The following FYCO1 variants were observed in gnomAD, a reference collection of about 807,000 sequenced individuals.
The protein encoded by FYCO1 is FYVE and coiled-coil domain autophagy adaptor 1.
FYCO1 carries 122 observed loss-of-function variants against 165.1 expected under a neutral mutation model. The ratio of observed to expected loss-of-function variants is 0.74; its 90% CI spans 0.64 to 0.86. FYCO1 has a LOEUF of 0.86. FYCO1 is among the 40% of genes least tolerant of loss of function. The pLI, the probability that FYCO1 is intolerant of heterozygous loss-of-function variation, is 0.00. For synonymous variants in FYCO1, 648 were observed against 742.5 expected, an observed-to-expected ratio of 0.87 and a Z score of 2.07; for missense variants, 1,702 against 1,810.3, an observed-to-expected ratio of 0.94 and a Z score of 1.09.
intron 14 of FYCO1, among the ~76,000 whole-genome samples, chr3:45,948,655 A>G (rs544511973): frequency 1.2e-4 from 18 of 152,340 alleles, no homozygotes; most frequent in African/African-American, 3.6e-4. Context: ...AGGCTTAAAG[A>G]TGTTTTTTGG....
At position 45,966,267 on chromosome 3, in the gene FYCO1, C is replaced by CT; in HGVS notation, c.3057+9dup. On this transcript the variant is annotated intron_variant, in intron 8 of 17. Transcript: ENST00000296137. ...AGGGGTAGAGCCCAAGTGGTTGAAG[C>CT]TAGGATTACCTTAAGTCTGCTCTGG... The CT allele has an allele frequency of 1.9e-6, 3 of 1,612,916 alleles. No homozygotes were observed. The highest frequency in any genetic ancestry group is 2.5e-6 in the Non-Finnish European group (3 of 1,179,950).
chr3:45,921,840 C>T lies in FYCO1; in HGVS notation c.4362G>A (p.Arg1454=). Residue 1454 remains arginine, a splice_region_variant and synonymous_variant, in exon 18 of 18, where the codon AGG becomes AGA. Coordinates refer to ENST00000296137, the MANE Select transcript of FYCO1 (RefSeq NM_024513.4). ...YMLIFDNTFS[R]FVSKKVFYHL... ...GATAAAATACCTTTTTAGAGACAAACCTGAGGAAACAGAAATGGAAAGGGA... is the reference window on the plus strand; with the variant it reads ...GATAAAATACCTTTTTAGAGACAAATCTGAGGAAACAGAAATGGAAAGGGA... 6.2e-7 allele frequency: 1 copy of T among 1,605,250 alleles called. No individual in the cohort carries two copies. Among genetic ancestry groups the T allele is most frequent in the East Asian group, 2.2e-5 (1 of 44,834 alleles).
At chr3:45,927,201 A>G (rs1334404156) in intron 16 of FYCO1, among the ~76,000 whole-genome samples, 2 of 152,170 alleles carry the variant, frequency 1.3e-5, no homozygotes, top group East Asian at 3.8e-4. Context: ...GTGTTAGTGT[A>G]TCTTATGTGT....
rs544729621 is a variant in FYCO1 at position 45,921,589 on chromosome 3, G to A, written c.*176C>T. On this transcript the variant is annotated 3_prime_UTR_variant, in exon 18 of 18. Transcript: ENST00000296137. ...CCCTTCAACGCCTCGGGGGCTAAGAGTGGCCGGTGCAGAGTGCTGAGCACA... is the reference window on the plus strand; with the variant it reads ...CCCTTCAACGCCTCGGGGGCTAAGAATGGCCGGTGCAGAGTGCTGAGCACA... 65 of 641,328 alleles carry A rather than the reference G, an allele frequency of 1.0e-4. No individual in the cohort carries two copies. Among genetic ancestry groups the A allele is most frequent in the Admixed American group, 4.2e-4 (19 of 44,824 alleles). 39.7% of individuals were successfully genotyped at this position (641,328 alleles called of 1,614,324 possible). A position where few individuals can be genotyped will look rare whatever the true frequency, so the allele number is the denominator to read the frequency against.
chr3:45,959,212 G>T (rs1705545615), intron 12 of FYCO1, among the ~76,000 whole-genome samples, 181 bp downstream of exon 12: 1 of 152,226 alleles, frequency 6.6e-6, no homozygotes, highest in Non-Finnish European at 1.5e-5. Flanking sequence ...TGAGTGTCTT[G>T]TTAGGATCCC....
chr3:45,969,724 G>T lies in FYCO1; in HGVS notation c.581C>A (p.Pro194His), dbSNP rs921112086. The T allele has an allele frequency of 1.9e-6, 3 of 1,613,930 alleles. No homozygotes were observed. In the African/African-American group the frequency reaches 4.0e-5, roughly 22 times the overall value. ...TTGSSAYLWK[P>H]PSRSSSMSSL... ...GCTCATGCTGGAGCTGCGGCTAGGGGGTTTCCACAGGTAAGCAGAAGAGCC... is the reference window on the plus strand; with the variant it reads ...GCTCATGCTGGAGCTGCGGCTAGGGTGTTTCCACAGGTAAGCAGAAGAGCC... Residue 194 changes from proline (P) to histidine (H), a missense_variant, in exon 7 of 18, where the codon CCC (proline) becomes CAC (histidine). Transcript: ENST00000296137.
chr3:45,986,909 G>C (rs916482446), intron 1 of FYCO1, among the ~76,000 whole-genome samples: 1 of 152,134 alleles, frequency 6.6e-6, no homozygotes, highest in Non-Finnish European at 1.5e-5. Context: ...GCAGGCTGGG[G>C]ATACAGAGGC....
intron 5 of FYCO1, among the ~76,000 whole-genome samples, chr3:45,973,490 G>A (rs1706561898): frequency 6.6e-6 from 1 of 152,250 alleles, no homozygotes; most frequent in East Asian, 1.9e-4. Flanking sequence ...AAAAGGATAT[G>A]GGAAACCTTA....
At chr3:45,931,353 T>C in intron 15 of FYCO1, 72 bp from the exon 16 acceptor site, 1 of 1,454,844 alleles carries the variant, frequency 6.9e-7, no homozygotes, top group East Asian at 2.3e-5. Flanking sequence ...AGGTCATCTG[T>C]GGCTCAGAGG....
chr3:45,920,256 T>A lies in FYCO1; in HGVS notation c.*1509A>T, dbSNP rs1703045389. 1 of 152,214 alleles carries A rather than the reference T, an allele frequency of 6.6e-6. No homozygotes were observed. Among genetic ancestry groups the A allele is most frequent in the Non-Finnish European group, 1.5e-5 (1 of 68,066 alleles). The allele number at this position is 152,214 out of a possible 1,614,324, so 9.4% of individuals were successfully genotyped here. A position where few individuals can be genotyped will look rare whatever the true frequency, so the allele number is the denominator to read the frequency against. On this transcript the variant is annotated 3_prime_UTR_variant, in exon 18 of 18. Coordinates refer to ENST00000296137, the MANE Select transcript of FYCO1 (RefSeq NM_024513.4). ...TTGGCCTGGAGTCCCTGACCCATTC[T>A]CAAGCCCTCAAAACCAGCCAGACCA...
chr3:45,989,796 C>T (rs769779751), intron 1 of FYCO1, among the ~76,000 whole-genome samples: 38 of 152,128 alleles, frequency 2.5e-4, no homozygotes, highest in Non-Finnish European at 4.4e-4. Context: ...GTCCATGGAC[C>T]CCAGAGAGCA....
Position 45,964,663 on chromosome 3 carries a change from A to T in FYCO1, c.3151-209T>A. On this transcript the variant is annotated intron_variant, in intron 9 of 17. Coordinates refer to ENST00000296137, the MANE Select transcript of FYCO1 (RefSeq NM_024513.4). The surrounding 1 kb of genome is among the most constrained non-coding windows in gnomAD (Gnocchi z 4.1). ...TTGTGGTGGTTGGCAAGTGGCAGGT[A>T]CCAGAATTCCCAGGGTAACACTGAA... The T allele has an allele frequency of 1.9e-6, 1 of 530,010 alleles. No individual in the cohort carries two copies. Among genetic ancestry groups the T allele is most frequent in the Middle Eastern group, 9.4e-4 (1 of 1,064 alleles). 32.8% of individuals were successfully genotyped at this position (530,010 alleles called of 1,614,324 possible).
intron 15 of FYCO1, among the ~76,000 whole-genome samples, chr3:45,931,561 T>C (rs951288689): frequency 2.0e-5 from 3 of 152,176 alleles, no homozygotes; most frequent in African/African-American, 4.8e-5. Context: ...TTAAAGCCCA[T>C]GGGAACTAAG....
At chr3:45,948,543 G>A (rs572816707) in intron 14 of FYCO1, among the ~76,000 whole-genome samples, 1 of 152,294 alleles carries the variant, frequency 6.6e-6, no homozygotes, top group Non-Finnish European at 1.5e-5. Flanking sequence ...TCCAAAGTGT[G>A]GGGCACATTT....
Position 45,969,692 on chromosome 3 carries a change from C to A in FYCO1, c.613G>T (p.Val205Leu). Residue 205 changes from valine (V) to leucine (L), a missense_variant, in exon 7 of 18, where the codon GTG (valine) becomes TTG (leucine). Coordinates refer to ENST00000296137, the MANE Select transcript of FYCO1 (RefSeq NM_024513.4). The stretch of plus-strand genomic sequence containing the variant: ...GGCCTTACCTGCAGGTAGCTGCTCA[C>A]CAAGCTGCTCATGCTGGAGCTGCGG... ...PSRSSSMSSL[V>L]SSYLQTQEMV... The A allele has an allele frequency of 6.2e-7, 1 of 1,613,944 alleles. No individual in the cohort carries two copies. The highest frequency in any genetic ancestry group is 8.5e-7 in the Non-Finnish European group (1 of 1,179,886).
At chr3:45,958,660 A>G in intron 12 of FYCO1, 41 bp from the exon 13 acceptor site, 1 of 1,598,280 alleles carries the variant, frequency 6.3e-7, no homozygotes, top group Non-Finnish European at 8.6e-7. Context: ...ATGACACACT[A>G]TGATCTTGTG....
chr3:45,932,225 G>A (rs137990181), intron 15 of FYCO1, among the ~76,000 whole-genome samples: 18 of 152,354 alleles, frequency 1.2e-4, no homozygotes, highest in Admixed American at 1.2e-3. Context: ...AGGCAGCTAG[G>A]TTAGCTCATG....
intron 1 of FYCO1, among the ~76,000 whole-genome samples, chr3:45,995,270 C>G (rs1707752488): frequency 6.6e-6 from 1 of 152,262 alleles, no homozygotes; most frequent in Admixed American, 6.5e-5. Context: ...GATCCGAGCA[C>G]CAGCGGAGTC....
rs986094039 is a variant in FYCO1, at chr3:45,921,182, A to C, written c.*583T>G. ...TGAGTTCTGGAGCAGCCTCCAGCTT[A>C]CTGGGGCAGTGAGGGACAAGAGCAT... On this transcript the variant is annotated 3_prime_UTR_variant, in exon 18 of 18. Transcript: ENST00000296137. 5.5e-6 allele frequency: 1 copy of C among 182,098 alleles called. No individual in the cohort carries two copies. The highest frequency in any genetic ancestry group is 1.2e-5 in the Non-Finnish European group (1 of 84,812). The allele number at this position is 182,098 out of a possible 1,614,324, so 11.3% of individuals were successfully genotyped here. A position where few individuals can be genotyped will look rare whatever the true frequency, so the allele number is the denominator to read the frequency against.
Sources: gnomAD v4.1 joint callset for allele counts (sites outside exome capture counted in the v4.1 genomes callset) on GRCh38, gnomAD v4.1.1 for gene constraint, Gnocchi (gnomAD v3.1) non-coding constraint, MANE v1.5 for transcripts, NCBI Gene and HGNC (gene_info 2026-07-23, HGNC 2026-07-21) for gene names.